The following ZFC3H1 variants were observed in gnomAD, a reference collection of about 807,000 sequenced individuals.
ZFC3H1 encodes the protein zinc finger C3H1-type containing.
A neutral mutation model predicts 243.7 loss-of-function variants in ZFC3H1; 71 were observed. The ratio of observed to expected loss-of-function variants is 0.29; its 90% CI spans 0.24 to 0.36. The LOEUF (loss-of-function observed/expected upper bound fraction) is 0.36, where lower values mean the gene tolerates loss of function less well. Among genes scored for constraint, ZFC3H1 ranks in the 10% least tolerant of loss-of-function variants. The pLI is 1.00. For missense variants in ZFC3H1, 1,966 were observed against 2,317.1 expected (o/e 0.85, Z 3.11); for synonymous variants, 838 against 813.0 (o/e 1.03, Z -0.52).
intron 2 of ZFC3H1, among the ~76,000 whole-genome samples, chr12:71,648,336 A>C (rs944068946): frequency 6.6e-6 from 1 of 152,216 alleles, no homozygotes; most frequent in Non-Finnish European, 1.5e-5. Context: ...TTTTTTCCAG[A>C]TATCTAGCCT....
At chr12:71,621,516 C>A (rs543843119) in intron 24 of ZFC3H1, among the ~76,000 whole-genome samples, 1 of 152,036 alleles carries the variant, frequency 6.6e-6, no homozygotes, top group Admixed American at 6.6e-5. Context: ...GTTGGCCAGG[C>A]TGGTCTCAAA....
chr12:71,658,662 C>T (rs1881086925), intron 1 of ZFC3H1, among the ~76,000 whole-genome samples: 1 of 152,108 alleles, frequency 6.6e-6, no homozygotes, highest in Non-Finnish European at 1.5e-5. Context: ...AAACACCTCA[C>T]AGGGCAAGCA....
chr12:71,612,781 C>T (rs546523469), intron 31 of ZFC3H1, among the ~76,000 whole-genome samples: 88 of 152,184 alleles, frequency 5.8e-4, no homozygotes, highest in African/African-American at 1.8e-3. Flanking sequence ...ATAATTCTTG[C>T]GGATGAAAGT....
Position 71,610,313 on chromosome 12 carries a change from A to G in ZFC3H1, c.*115T>C, listed in dbSNP as rs1879736392. On this transcript the variant is annotated 3_prime_UTR_variant, in exon 35 of 35. Transcript: ENST00000378743. ...ATATTGTAGGGAACTTGATATGATC[A>G]ATAACGCTTGTCTGCCTTACACAGA... 4.8e-6 allele frequency: 6 copies of G among 1,246,644 alleles called. No individual in the cohort carries two copies. The highest frequency in any genetic ancestry group is 6.7e-6 in the Non-Finnish European group (6 of 894,774). The allele number at this position is 1,246,644 out of a possible 1,614,324, so 77.2% of individuals were successfully genotyped here. A position where few individuals can be genotyped will look rare whatever the true frequency, so the allele number is the denominator to read the frequency against.
chr12:71,614,119 AAG>A (rs1177095568), intron 30 of ZFC3H1, among the ~76,000 whole-genome samples: 2 of 152,148 alleles, frequency 1.3e-5, no homozygotes, highest in African/African-American at 2.4e-5. Context: ...AATATTAACA[AAG>A]AGAGCAGCTA....
chr12:71,620,474 CA>C (rs1275021667), intron 24 of ZFC3H1, among the ~76,000 whole-genome samples, 159 bp from the exon 25 acceptor site: 1 of 152,136 alleles, frequency 6.6e-6, no homozygotes, highest in African/African-American at 2.4e-5. Context: ...GGCTTTTACT[CA>C]AAGGAAGTAA....
intron 2 of ZFC3H1, among the ~76,000 whole-genome samples, chr12:71,648,232 G>A (rs980878759): frequency 5.3e-5 from 8 of 152,192 alleles, no homozygotes; most frequent in Non-Finnish European, 1.0e-4. Flanking sequence ...TTTACAGACT[G>A]TATTGGATTT....
intron 1 of ZFC3H1, among the ~76,000 whole-genome samples, chr12:71,658,032 A>G (rs552767954): frequency 6.6e-6 from 1 of 152,104 alleles, no homozygotes; most frequent in South Asian, 2.1e-4. Context: ...TACTCAAAAT[A>G]TATCTATTTT....
Position 71,628,906 on chromosome 12 carries a change from A to T in ZFC3H1, c.3946+12T>A, listed in dbSNP as rs1185406487. 1.3e-6 allele frequency: 2 copies of T among 1,577,686 alleles called. No individual in the cohort carries two copies. Among genetic ancestry groups the T allele is most frequent in the Non-Finnish European group, 1.7e-6 (2 of 1,166,776 alleles). On this transcript the variant is annotated intron_variant, in intron 20 of 34. Transcript: ENST00000378743. Reference sequence around the variant, plus strand: ...TTAATAATTCTGGATCTTAAATTACATAACTTCTTACCATACTTAATTGGT... The same window carrying T: ...TTAATAATTCTGGATCTTAAATTACTTAACTTCTTACCATACTTAATTGGT...
intron 24 of ZFC3H1, among the ~76,000 whole-genome samples, chr12:71,621,347 A>T (rs1291494953): frequency 6.7e-6 from 1 of 149,390 alleles, no homozygotes; most frequent in African/African-American, 2.5e-5. Flanking sequence ...TCTGTTGCCC[A>T]GGCTGGAGTG....
chr12:71,634,097 C>T (rs1034048195), intron 12 of ZFC3H1, 58 bp downstream of exon 12: 4 of 1,532,978 alleles, frequency 2.6e-6, no homozygotes, highest in Non-Finnish European at 3.5e-6. Context: ...ACATACACCA[C>T]AAAAATGTAT....
intron 3 of ZFC3H1, among the ~76,000 whole-genome samples, chr12:71,646,526 T>C (rs1440134254): frequency 1.3e-5 from 2 of 152,272 alleles, no homozygotes; most frequent in Non-Finnish European, 2.9e-5. Context: ...TGTAGAAAAT[T>C]CTATTAAACA....
rs1351120944 is a variant in ZFC3H1 at position 71,633,361 on chromosome 12, T to A, written c.2588A>T (p.Asn863Ile). Residue 863 changes from asparagine (N) to isoleucine (I), a missense_variant, in exon 13 of 35, where the codon AAT becomes ATT. Physicochemically the swap from Asn to Ile is moderately radical, Grantham distance 149 (BLOSUM62 -3). Transcript: ENST00000378743. The stretch of plus-strand genomic sequence containing the variant: ...AAGTTTTGTAATCTTTGCTTCAGCA[T>A]TTCTAACAGATTCTTTCTTCTTAGC... ...QEAKKKESVR[N>I]AEAKITKLTE... The A allele has an allele frequency of 6.2e-6, 10 of 1,602,324 alleles. No individual in the cohort carries two copies. In the East Asian group the frequency reaches 2.2e-4, roughly 36 times the overall value.
At chr12:71,630,978 T>A (rs1353451702) in intron 16 of ZFC3H1, 24 bp from the exon 17 acceptor site, 1 of 1,546,478 alleles carries the variant, frequency 6.5e-7, no homozygotes, top group East Asian at 2.3e-5. Context: ...AGTGAACAGG[T>A]ATATTATGCC....
intron 2 of ZFC3H1, among the ~76,000 whole-genome samples, chr12:71,653,822 A>T (rs1459921082): frequency 6.6e-6 from 1 of 151,838 alleles, no homozygotes; most frequent in Non-Finnish European, 1.5e-5. Flanking sequence ...TTGAGACCAG[A>T]CTGGCCAACA....
Position 71,663,812 on chromosome 12 carries a change from TC to T in ZFC3H1, c.-203del, listed in dbSNP as rs1245023294. On this transcript the variant is annotated 5_prime_UTR_variant, in exon 1 of 35. Coordinates refer to ENST00000378743, the MANE Select transcript of ZFC3H1 (RefSeq NM_144982.5). ...CGGACCGTCGCAACCCAGTTCCCTT[TC>T]CTAGCGCCCCCTTGCTCCTCAGCGA... The T allele has an allele frequency of 1.6e-6, 1 of 610,744 alleles. No individual in the cohort carries two copies. Among genetic ancestry groups the T allele is most frequent in the Non-Finnish European group, 2.8e-6 (1 of 352,684 alleles). 37.8% of individuals were successfully genotyped at this position (610,744 alleles called of 1,614,324 possible).
At chr12:71,642,841 T>A (rs1000119192) in intron 5 of ZFC3H1, among the ~76,000 whole-genome samples, 4 of 152,210 alleles carry the variant, frequency 2.6e-5, no homozygotes, top group African/African-American at 7.2e-5. Flanking sequence ...TCTTCCTGTA[T>A]AAAATGACAC....
In ZFC3H1 at chr12:71,609,721, TTAAAA is replaced by T. The variant is rs1342377821; in HGVS notation, c.*702_*706del. The T allele has an allele frequency of 4.6e-5, 7 of 152,604 alleles. No individual in the cohort carries two copies. Among genetic ancestry groups the T allele is most frequent in the African/African-American group, 7.2e-5 (3 of 41,464 alleles). 9.5% of individuals were successfully genotyped at this position (152,604 alleles called of 1,614,324 possible). ...TTAAACTGTTAAACTTTATTATAAA[TTAAAA>T]TTTCTTTACAAAAAAATTGCACATA... is the stretch of plus-strand genomic sequence containing the variant. On this transcript the variant is annotated 3_prime_UTR_variant, in exon 35 of 35. Transcript: ENST00000378743.
chr12:71,627,856 T>C lies in ZFC3H1; in HGVS notation c.4025A>G (p.Asn1342Ser). 1 of 1,613,900 alleles carries C rather than the reference T, an allele frequency of 6.2e-7. No individual in the cohort carries two copies. Among genetic ancestry groups the C allele is most frequent in the Non-Finnish European group, 8.5e-7 (1 of 1,179,902 alleles). The change falls in exon 21 of 35, where the codon AAT becomes AGT. Residue 1342 changes from asparagine to serine, a missense_variant. Coordinates refer to ENST00000378743, the MANE Select transcript of ZFC3H1 (RefSeq NM_144982.5). ...VTPDDVRYFT[N>S]ETDDIANLEA... ...TAAATTAGCGATGTCATCAGTCTCATTTGTAAAGTATCTGACATCATCTGG... is the reference window on the plus strand; with the variant it reads ...TAAATTAGCGATGTCATCAGTCTCACTTGTAAAGTATCTGACATCATCTGG...
Sources: allele counts gnomAD v4.1 joint callset (sites outside exome capture counted in the v4.1 genomes callset), GRCh38; gene constraint gnomAD v4.1.1; transcripts MANE v1.5; gene names NCBI Gene and HGNC (gene_info 2026-07-23, HGNC 2026-07-21).